Variants in RYR3 observed in about 807,000 individuals in gnomAD.
RYR3 encodes ryanodine receptor 3, also known as brain ryanodine receptor-calcium release channel.
RYR3 carries 207 observed loss-of-function variants against 584.3 expected under a neutral mutation model. The observed-to-expected ratio is 0.35, with a 90% CI of 0.32 to 0.40. RYR3 has a LOEUF of 0.40. Ranked by LOEUF, RYR3 falls within the 10% of genes least tolerant of loss-of-function variation. The pLI is 1.00. For synonymous variants in RYR3, 2,416 were observed against 2,248.5 expected, an observed-to-expected ratio of 1.07 and a Z score of -2.11; for missense variants, 5,616 against 6,089.2, an observed-to-expected ratio of 0.92 and a Z score of 2.59.
intron 52 of RYR3, among the ~76,000 whole-genome samples, chr15:33,744,538 T>C (rs1445465581): frequency 3.3e-5 from 5 of 152,216 alleles, no homozygotes; most frequent in Non-Finnish European, 7.3e-5. Flanking sequence ...TGTTCAGGGC[T>C]ATGGTGAGCA....
rs563269339 is a variant in RYR3, at chr15:33,769,030, G to A, written c.8756-82G>A. The A allele has an allele frequency of 4.8e-5, 49 of 1,028,278 alleles. No homozygotes were observed. In the African/African-American group the frequency reaches 6.8e-4, roughly 14 times the overall value. 63.7% of individuals were successfully genotyped at this position (1,028,278 alleles called of 1,614,324 possible). A position where few individuals can be genotyped will look rare whatever the true frequency, so the allele number is the denominator to read the frequency against. On this transcript the variant is annotated intron_variant, in intron 61 of 103. Transcript: ENST00000634891. ...TGGTAGTTAATTACGCTGGGGCTGT[G>A]GCTTGTGCATATGGAGAAGACTGCA...
At chr15:33,812,502 T>C (rs1420048526) in intron 72 of RYR3, among the ~76,000 whole-genome samples, 1 of 152,090 alleles carries the variant, frequency 6.6e-6, no homozygotes, top group Non-Finnish European at 1.5e-5. Flanking sequence ...TTCATAGTCA[T>C]TATAAAAATA....
chr15:33,842,678 A>G (rs578220266), intron 91 of RYR3, among the ~76,000 whole-genome samples: 1 of 152,276 alleles, frequency 6.6e-6, no homozygotes, highest in South Asian at 2.1e-4. Flanking sequence ...GCTGTTCCCA[A>G]CAAGGGAGAA....
intron 1 of RYR3, among the ~76,000 whole-genome samples, chr15:33,366,836 C>A (rs1027164532): frequency 1.3e-5 from 2 of 152,024 alleles, no homozygotes; most frequent in Non-Finnish European, 2.9e-5. Context: ...AACAATGAGA[C>A]CGGTCAATAG....
chr15:33,504,666 T>C (rs1186361291), intron 3 of RYR3, among the ~76,000 whole-genome samples: 1 of 152,224 alleles, frequency 6.6e-6, no homozygotes. Context: ...TCCAAATTCC[T>C]AAACATGGCT....
intron 1 of RYR3, among the ~76,000 whole-genome samples, chr15:33,356,307 A>G (rs904568711): frequency 3.3e-5 from 5 of 152,164 alleles, no homozygotes; most frequent in Non-Finnish European, 5.9e-5. Flanking sequence ...CAAGGCTGCA[A>G]TGAAGTATGC....
intron 1 of RYR3, among the ~76,000 whole-genome samples, chr15:33,470,611 T>TA (rs2048851542): frequency 6.6e-6 from 1 of 152,050 alleles, no homozygotes; most frequent in African/African-American, 2.4e-5. Flanking sequence ...TCTGTAAAGG[T>TA]GGATAGTCCA....
chr15:33,825,723 CTTTTTTT>C (rs374617439), intron 82 of RYR3, 47 bp downstream of exon 82: 6 of 473,110 alleles, frequency 1.3e-5, no homozygotes, highest in African/African-American at 1.1e-4. Flanking sequence ...TGATTAAAAT[CTTTTTTT>C]TTTTTTTTTT....
intron 93 of RYR3, among the ~76,000 whole-genome samples, chr15:33,845,379 A>G (rs1439924792): frequency 6.6e-6 from 1 of 152,118 alleles, no homozygotes; most frequent in East Asian, 1.9e-4. Flanking sequence ...CAGCCTCCCG[A>G]GTAGCTGGGA....
intron 16 of RYR3, among the ~76,000 whole-genome samples, chr15:33,586,341 G>A (rs2152524440): frequency 6.6e-6 from 1 of 152,232 alleles, no homozygotes; most frequent in East Asian, 1.9e-4. Context: ...CCCAGTCGCT[G>A]CTCATTATCA....
intron 1 of RYR3, among the ~76,000 whole-genome samples, chr15:33,445,664 A>ACACACAC (rs2046582595): frequency 1.0e-4 from 11 of 106,000 alleles, no homozygotes; most frequent in Non-Finnish European, 1.1e-4. Flanking sequence ...TTCCCCCACC[A>ACACACAC]ACACACACAC....
intron 57 of RYR3, 137 bp from the exon 58 acceptor site, chr15:33,754,927 CA>C: frequency 1.6e-6 from 1 of 615,792 alleles, no homozygotes; most frequent in Non-Finnish European, 3.0e-6. Flanking sequence ...GGAAATCAGT[CA>C]AATGATGAGT....
At chr15:33,548,271 A>T (rs1171839494) in intron 9 of RYR3, 67 bp downstream of exon 9, 1 of 951,890 alleles carries the variant, frequency 1.1e-6, no homozygotes, top group Non-Finnish European at 1.6e-6. Context: ...CGTTCTCTTA[A>T]ATATTTCATT....
At chr15:33,851,406 G>C (rs562159434) in intron 94 of RYR3, 1 of 152,002 alleles carries the variant, frequency 6.6e-6, no homozygotes, top group Non-Finnish European at 1.5e-5. Context: ...GTGTATAGTG[G>C]CACCTCATTG....
At chr15:33,860,166 G>A (rs1301624121) in intron 100 of RYR3, among the ~76,000 whole-genome samples, 1 of 152,196 alleles carries the variant, frequency 6.6e-6, no homozygotes, top group Non-Finnish European at 1.5e-5. Flanking sequence ...AATTTAGCTT[G>A]AGTCATGCTG....
In RYR3 at chr15:33,844,954, CTTT is replaced by C; in HGVS notation, c.13390_13392del (p.Phe4464del). On this transcript the variant is annotated inframe_deletion, in exon 93 of 104. Coordinates refer to ENST00000634891, the MANE Select transcript of RYR3 (RefSeq NM_001036.6). ...AGGAAGAGGAAGAAGCGATGGTATT[CTTT>C]GTCCTTCAGGAGAGCACCGGGTATA... is the stretch of plus-strand genomic sequence containing the variant. 6.2e-7 allele frequency: 1 copy of C among 1,614,004 alleles called. No homozygotes were observed. Among genetic ancestry groups the C allele is most frequent in the Non-Finnish European group, 8.5e-7 (1 of 1,179,876 alleles).
chr15:33,492,060 AC>A (rs1462109976), intron 2 of RYR3, among the ~76,000 whole-genome samples: 2 of 152,216 alleles, frequency 1.3e-5, no homozygotes, highest in Non-Finnish European at 2.9e-5. Context: ...TCTTTCTATT[AC>A]CATTCTATTC....
intron 19 of RYR3, among the ~76,000 whole-genome samples, chr15:33,616,216 C>T (rs1030075405): frequency 1.3e-5 from 2 of 152,206 alleles, no homozygotes; most frequent in Admixed American, 6.5e-5. Context: ...GGATCTTCTC[C>T]AGTCTACTAG....
chr15:33,854,836 C>T lies in RYR3; in HGVS notation c.13931C>T (p.Ala4644Val). 4.3e-6 allele frequency: 7 copies of T among 1,613,902 alleles called. No individual in the cohort carries two copies. Among genetic ancestry groups the T allele is most frequent in the Non-Finnish European group, 5.9e-6 (7 of 1,179,844 alleles). ...LGHYNNFFFA[A>V]HLLDIAMGFK... is the part of the protein sequence containing the mutation. ...CACTACAATAACTTCTTCTTTGCTG[C>T]TCACCTATTGGACATCGCAATGGGC... The change falls in exon 98 of 104, where the codon GCT (alanine) becomes GTT (valine). Residue 4644 changes from alanine (A) to valine (V), a missense_variant. This residue lies in a region of RYR3 where 918 missense variants were observed against 887.4 expected (regional missense o/e 1.03). Transcript: ENST00000634891.
Sources: gnomAD v4.1 joint callset for allele counts (sites outside exome capture counted in the v4.1 genomes callset) on GRCh38, gnomAD v4.1.1 for gene constraint, gnomAD v4.1.1 regional missense constraint, MANE v1.5 for transcripts, NCBI Gene and HGNC (gene_info 2026-07-23, HGNC 2026-07-21) for gene names.